The following STAU2 variants were observed in gnomAD, a reference collection of about 807,000 sequenced individuals.
STAU2 encodes the protein staufen double-stranded RNA binding protein 2.
STAU2 carries 20 observed loss-of-function variants against 65.9 expected under a neutral mutation model. That is an observed-to-expected ratio of 0.30 (90% confidence interval 0.21 to 0.44). The LOEUF (loss-of-function observed/expected upper bound fraction) is 0.44. Among genes scored for constraint, STAU2 ranks in the 20% least tolerant of loss-of-function variants. The probability of loss-of-function intolerance (pLI) is 1.00; values close to 1 mark genes in which losing one functional copy is unlikely to be tolerated. For missense variants in STAU2, 558 were observed against 683.9 expected (o/e 0.82, Z 2.05); for synonymous variants, 232 against 233.9 (o/e 0.99, Z 0.07).
intron 3 of STAU2, among the ~76,000 whole-genome samples, chr8:73,724,984 G>T (rs970999751): frequency 5.3e-5 from 8 of 152,118 alleles, no homozygotes; most frequent in African/African-American, 1.9e-4. Context: ...ACCATGCCCA[G>T]TTAATTATGT....
At chr8:73,703,013 G>T (rs1391352135) in intron 4 of STAU2, among the ~76,000 whole-genome samples, 1 of 152,188 alleles carries the variant, frequency 6.6e-6, no homozygotes, top group Non-Finnish European at 1.5e-5. Flanking sequence ...ACATGCACCT[G>T]CTATACATTC....
At chr8:73,620,318 T>C (rs1813136025) in intron 6 of STAU2, among the ~76,000 whole-genome samples, 1 of 152,208 alleles carries the variant, frequency 6.6e-6, no homozygotes, top group Admixed American at 6.5e-5. Flanking sequence ...GAGCAAATGT[T>C]TACAATTAAT....
chr8:73,742,615 CT>C (rs753043490), intron 1 of STAU2, among the ~76,000 whole-genome samples: 8 of 151,898 alleles, frequency 5.3e-5, no homozygotes, highest in Non-Finnish European at 2.9e-5. Flanking sequence ...CAACTAAGCG[CT>C]TTTAGAGAAA....
At chr8:73,508,380 G>A (rs1464737613) in intron 13 of STAU2, among the ~76,000 whole-genome samples, 1 of 152,132 alleles carries the variant, frequency 6.6e-6, no homozygotes, top group Admixed American at 6.6e-5. Flanking sequence ...GAGAGAGATG[G>A]GGGAATGGGT....
At chr8:73,457,732 G>C (rs1819143756) in intron 13 of STAU2, among the ~76,000 whole-genome samples, 1 of 152,198 alleles carries the variant, frequency 6.6e-6, no homozygotes, top group African/African-American at 2.4e-5. Flanking sequence ...TATTTTAGCT[G>C]TTTTTATTCA....
At chr8:73,707,445 G>T (rs962330788) in intron 4 of STAU2, among the ~76,000 whole-genome samples, 1 of 152,116 alleles carries the variant, frequency 6.6e-6, no homozygotes, top group African/African-American at 2.4e-5. Context: ...GATCACCGGA[G>T]ATGTTAAAGA....
At chr8:73,464,053 G>A (rs933897986) in intron 13 of STAU2, among the ~76,000 whole-genome samples, 2 of 152,140 alleles carry the variant, frequency 1.3e-5, no homozygotes, top group Non-Finnish European at 2.9e-5. Flanking sequence ...TTTGGATTTC[G>A]AGACAACAGT....
At position 73,679,899 on chromosome 8, in the gene STAU2, C is replaced by CAAAACA. The variant is rs994957971; in HGVS notation, c.275-6663_275-6658dup. 2.4e-4 allele frequency among the ~76,000 whole-genome samples: 33 copies of CAAAACA among 139,186 alleles called. No individual in the cohort carries two copies. The East Asian group carries it at 5.8e-3, about 25-fold the overall frequency. 91.3% of individuals were successfully genotyped at this position (139,186 alleles called of 152,430 possible). On this transcript the variant is annotated intron_variant, in intron 5 of 14. Coordinates refer to ENST00000524300, the MANE Select transcript of STAU2 (RefSeq NM_001164380.2). ...CTGAGACTCCACCTAAAAAAAAAAACAAAACAAAAACAAAAACAAAAACTA... is the reference window on the plus strand; with the variant it reads ...CTGAGACTCCACCTAAAAAAAAAAACAAAACAAAAACAAAAACAAAAACAAAAACTA...
chr8:73,510,671 A>G (rs983796577), intron 13 of STAU2, among the ~76,000 whole-genome samples: 1 of 152,184 alleles, frequency 6.6e-6, no homozygotes, highest in African/African-American at 2.4e-5. Context: ...CCTTCTTCAC[A>G]TAGCAGCAGC....
chr8:73,535,677 A>G (rs951246981), intron 13 of STAU2, among the ~76,000 whole-genome samples: 1 of 152,230 alleles, frequency 6.6e-6, no homozygotes, highest in African/African-American at 2.4e-5. Flanking sequence ...GTTTTGACAT[A>G]CCTATATACA....
intron 12 of STAU2, among the ~76,000 whole-genome samples, chr8:73,556,801 G>T (rs1231192115): frequency 6.6e-6 from 1 of 152,122 alleles, no homozygotes; most frequent in African/African-American, 2.4e-5. Context: ...GTGGTTGTCT[G>T]GGGAGTGGAG....
At chr8:73,428,873 A>G (rs1030510618) in intron 13 of STAU2, among the ~76,000 whole-genome samples, 5 of 152,006 alleles carry the variant, frequency 3.3e-5, no homozygotes, top group African/African-American at 1.2e-4. Flanking sequence ...CTCTTGCAAA[A>G]TCTCCTGGAC....
chr8:73,500,140 T>A (rs1440645698), intron 13 of STAU2, among the ~76,000 whole-genome samples: 2 of 151,944 alleles, frequency 1.3e-5, no homozygotes, highest in African/African-American at 4.8e-5. Context: ...TGGTCCAGTA[T>A]ACAGTCTCTC....
In STAU2 at chr8:73,462,570, A is replaced by AT. The variant is rs952510971; in HGVS notation, c.1531-39869dup. ...ACTACTATGCCCAGCTAATTTTTGT[A>AT]TTTTTTTTATAGAGAAAGGGTCTCC... On this transcript the variant is annotated intron_variant, in intron 13 of 14. Transcript: ENST00000524300. Among the ~76,000 whole-genome samples the AT allele has an allele frequency of 6.6e-4, 100 of 151,132 alleles. No homozygotes were observed. In the Middle Eastern group the frequency reaches 0.017, roughly 26 times the overall value.
intron 9 of STAU2, among the ~76,000 whole-genome samples, chr8:73,613,271 T>G (rs941302137): frequency 3.9e-5 from 6 of 152,180 alleles, no homozygotes; most frequent in Admixed American, 6.5e-5. Context: ...CTGTTACCAT[T>G]TCATGATATC....
At chr8:73,737,357 G>A (rs991515089) in intron 3 of STAU2, among the ~76,000 whole-genome samples, 1 of 151,724 alleles carries the variant, frequency 6.6e-6, no homozygotes, top group African/African-American at 2.4e-5. Context: ...TTTTAGTAGA[G>A]ACGGGGTTTC....
At chr8:73,422,162 C>A (rs770148699) in intron 14 of STAU2, among the ~76,000 whole-genome samples, 1 of 152,158 alleles carries the variant, frequency 6.6e-6, no homozygotes, top group African/African-American at 2.4e-5. Flanking sequence ...GAAAACAACA[C>A]GGAAAACCGA....
intron 13 of STAU2, among the ~76,000 whole-genome samples, chr8:73,494,235 A>G (rs1456553989): frequency 6.6e-6 from 1 of 151,774 alleles, no homozygotes; most frequent in Non-Finnish European, 1.5e-5. Context: ...TGGAGGGAGT[A>G]TACAGATGTC....
At position 73,424,723 on chromosome 8, in the gene STAU2, CTT is replaced by C. The variant is rs1405128478; in HGVS notation, c.1531-2023_1531-2022del. 2.6e-5 allele frequency among the ~76,000 whole-genome samples: 4 copies of C among 151,784 alleles called. 1 individual carries two copies. In the South Asian group the frequency reaches 6.2e-4, roughly 24 times the overall value. ...CATAATACTTTTTTCTTTCTTCTCT[CTT>C]GCTTTTCTATTGTTGCTTTTTAATC... On this transcript the variant is annotated intron_variant, in intron 13 of 14. Transcript: ENST00000524300.
Sources: gnomAD v4.1 joint callset for allele counts (sites outside exome capture counted in the v4.1 genomes callset) on GRCh38, gnomAD v4.1.1 for gene constraint, MANE v1.5 for transcripts, NCBI Gene and HGNC (gene_info 2026-07-23, HGNC 2026-07-21) for gene names.